The following SPAG16 variants were observed in gnomAD, a reference collection of about 807,000 sequenced individuals.
The protein encoded by SPAG16 is sperm-associated antigen 16 protein.
A neutral mutation model predicts 80.4 loss-of-function variants in SPAG16; 86 were observed. That is an observed-to-expected ratio of 1.07 (90% confidence interval 0.90 to 1.28). SPAG16 has a LOEUF of 1.28. Ranked by LOEUF, SPAG16 falls within the 50% of genes most tolerant of loss-of-function variation. The probability of loss-of-function intolerance (pLI) is 0.00; values close to 1 mark genes in which losing one functional copy is unlikely to be tolerated. For synonymous variants in SPAG16, 294 were observed against 265.9 expected (o/e 1.11, Z -1.03); for missense variants, 870 against 765.3 (o/e 1.14, Z -1.61).
chr2:214,132,918 C>A (rs565604072), intron 14 of SPAG16, among the ~76,000 whole-genome samples: 2,576 of 151,734 alleles, frequency 0.017, 39 homozygotes, highest in Non-Finnish European at 0.021. Flanking sequence ...CATGGAGAAA[C>A]CCCGTCTCTA....
At chr2:213,469,422 A>G (rs1322029204) in intron 9 of SPAG16, among the ~76,000 whole-genome samples, 1 of 152,140 alleles carries the variant, frequency 6.6e-6, no homozygotes, top group Non-Finnish European at 1.5e-5. Context: ...ATGCACAAAC[A>G]TGTTTTTAAT....
At chr2:213,564,425 G>A (rs2059694975) in intron 10 of SPAG16, among the ~76,000 whole-genome samples, 1 of 151,500 alleles carries the variant, frequency 6.6e-6, no homozygotes, top group African/African-American at 2.4e-5. Context: ...AACCTGGGAG[G>A]CGGAGGTTGC....
chr2:214,365,979 GT>G lies in SPAG16; in HGVS notation c.1721-44145del, dbSNP rs200531261. ...TCATCAGAACGATTCTATTTGCCAG[GT>G]TTTTTTTTTTTTTTTGAGACAGGAG... On this transcript the variant is annotated intron_variant, in intron 15 of 15. Transcript: ENST00000331683. Among the ~76,000 whole-genome samples the G allele has an allele frequency of 1.5e-3, 215 of 140,678 alleles. 1 individual carries two copies. Among genetic ancestry groups the G allele is most frequent in the East Asian group, 2.3e-3 (11 of 4,822 alleles). 92.3% of individuals were successfully genotyped at this position (140,678 alleles called of 152,430 possible).
At chr2:213,767,645 A>G (rs2069008715) in intron 10 of SPAG16, among the ~76,000 whole-genome samples, 2 of 130,474 alleles carry the variant, frequency 1.5e-5, no homozygotes, top group Non-Finnish European at 3.2e-5. Context: ...AAAAAAGAGA[A>G]CAACATACTT....
At chr2:213,801,653 T>C (rs577755052) in intron 10 of SPAG16, among the ~76,000 whole-genome samples, 1 of 151,974 alleles carries the variant, frequency 6.6e-6, no homozygotes, top group Non-Finnish European at 1.5e-5. Flanking sequence ...CAGGAGAAAA[T>C]GGAGGTTGAC....
intron 15 of SPAG16, among the ~76,000 whole-genome samples, chr2:214,178,530 T>C (rs995039830): frequency 6.6e-6 from 1 of 151,232 alleles, no homozygotes; most frequent in Non-Finnish European, 1.5e-5. Context: ...AGAAATTTCT[T>C]GAGTGAATAG....
chr2:214,319,472 G>C (rs1363341112), intron 15 of SPAG16, among the ~76,000 whole-genome samples: 1 of 145,664 alleles, frequency 6.9e-6, no homozygotes, highest in African/African-American at 2.6e-5. Flanking sequence ...TCCCAAACCA[G>C]GGAAATAACT....
At chr2:213,443,121 GA>G (rs1388037590) in intron 9 of SPAG16, among the ~76,000 whole-genome samples, 1 of 152,048 alleles carries the variant, frequency 6.6e-6, no homozygotes, top group Non-Finnish European at 1.5e-5. Context: ...CTACAGTAAA[GA>G]ATTTTAATCT....
At chr2:213,941,715 A>C (rs1281257107) in intron 12 of SPAG16, among the ~76,000 whole-genome samples, 1 of 152,168 alleles carries the variant, frequency 6.6e-6, no homozygotes, top group East Asian at 1.9e-4. Flanking sequence ...TTATAAGTAC[A>C]TGCTTTGTGA....
chr2:213,417,673 A>G (rs72939091), intron 9 of SPAG16, among the ~76,000 whole-genome samples: 30,951 of 152,182 alleles, frequency 0.2, 3,920 homozygotes, highest in Non-Finnish European at 0.29. Flanking sequence ...ATATTAAGGC[A>G]TAACGAAGAA....
intron 15 of SPAG16, among the ~76,000 whole-genome samples, chr2:214,312,468 A>T (rs1695400179): frequency 6.6e-6 from 1 of 152,184 alleles, no homozygotes; most frequent in Non-Finnish European, 1.5e-5. Flanking sequence ...CAAGGTGTAC[A>T]TGGACCTGAC....
intron 15 of SPAG16, among the ~76,000 whole-genome samples, chr2:214,348,758 G>A (rs966903102): frequency 2.9e-4 from 44 of 152,082 alleles, no homozygotes; most frequent in Admixed American, 2.4e-3. Flanking sequence ...TTGGTGCCAC[G>A]TGGGGCAGAA....
chr2:214,081,832 A>T (rs1576106461), intron 13 of SPAG16, among the ~76,000 whole-genome samples: 1 of 97,610 alleles, frequency 1.0e-5, no homozygotes, highest in South Asian at 3.7e-4. Flanking sequence ...TCTCCTACTC[A>T]TTGTATTTTT....
At chr2:213,701,435 G>C (rs1436997690) in intron 10 of SPAG16, among the ~76,000 whole-genome samples, 2 of 152,128 alleles carry the variant, frequency 1.3e-5, no homozygotes, top group Non-Finnish European at 2.9e-5. Context: ...CGCCTCCTCG[G>C]TCTCGGTGTC....
At chr2:213,702,956 C>T (rs1316041610) in intron 10 of SPAG16, among the ~76,000 whole-genome samples, 1 of 152,136 alleles carries the variant, frequency 6.6e-6, no homozygotes, top group Admixed American at 6.5e-5. Context: ...CGCGCTCTAC[C>T]CTTCTATGTG....
intron 10 of SPAG16, among the ~76,000 whole-genome samples, chr2:213,692,774 C>T (rs2064998265): frequency 6.8e-6 from 1 of 148,004 alleles, no homozygotes; most frequent in African/African-American, 2.5e-5. Flanking sequence ...CACGCCACTG[C>T]ACTCCACCCT....
intron 15 of SPAG16, among the ~76,000 whole-genome samples, chr2:214,291,473 T>C (rs1409594797): frequency 6.6e-6 from 1 of 150,686 alleles, no homozygotes; most frequent in African/African-American, 2.4e-5. Flanking sequence ...GCCCAGCTAA[T>C]TTTTTGTATT....
chr2:213,315,836 A>G (rs1360302532), intron 4 of SPAG16, among the ~76,000 whole-genome samples: 1 of 151,912 alleles, frequency 6.6e-6, no homozygotes, highest in African/African-American at 2.4e-5. Flanking sequence ...CCCTGGGCAC[A>G]GCTCTCAGAT....
At chr2:213,927,215 C>T (rs1434506579) in intron 11 of SPAG16, among the ~76,000 whole-genome samples, 1 of 152,176 alleles carries the variant, frequency 6.6e-6, no homozygotes, top group Non-Finnish European at 1.5e-5. Flanking sequence ...TCTCAGAGGC[C>T]CTACCTCCGA....
Sources: allele counts gnomAD v4.1 joint callset (sites outside exome capture counted in the v4.1 genomes callset), GRCh38; gene constraint gnomAD v4.1.1; transcripts MANE v1.5; gene names NCBI Gene and HGNC (gene_info 2026-07-23, HGNC 2026-07-21).